Variants in NBAS observed in about 807,000 individuals in gnomAD.
The protein encoded by NBAS is NAG/BC035112 fusion.
NBAS carries 219 observed loss-of-function variants against 302.5 expected under a neutral mutation model. That is an observed-to-expected ratio of 0.72 (90% CI 0.65 to 0.81). NBAS has a LOEUF of 0.81. Among genes scored for constraint, NBAS ranks in the 30% least tolerant of loss-of-function variants. The pLI, the probability that NBAS is intolerant of heterozygous loss-of-function variation, is 0.00. For missense variants in NBAS, 2,932 were observed against 2,841.6 expected (o/e 1.03, Z -0.72); for synonymous variants, 1,118 against 1,021.6 (o/e 1.09, Z -1.80).
At chr2:15,237,578 A>AT (rs1272951926) in intron 45 of NBAS, among the ~76,000 whole-genome samples, 1 of 134,380 alleles carries the variant, frequency 7.4e-6, no homozygotes, top group East Asian at 2.0e-4. Context: ...TTATTTATTT[A>AT]TTTATTTATT....
the NBAS span, among the ~76,000 whole-genome samples, chr2:14,975,769 T>C: frequency 6.6e-6 from 1 of 151,998 alleles, no homozygotes; most frequent in South Asian, 2.1e-4. Flanking sequence ...AGAGAAACTG[T>C]CTTGATATCT....
chr2:15,005,258 G>A, the NBAS span, among the ~76,000 whole-genome samples: 1 of 152,110 alleles, frequency 6.6e-6, no homozygotes, highest in Non-Finnish European at 1.5e-5. Flanking sequence ...AACTGAAACT[G>A]TACACCTGTT....
Position 15,424,411 on chromosome 2 carries a change from A to C in NBAS, c.2481T>G (p.Pro827=). The change falls in exon 23 of 52, where the codon CCT becomes CCG. Residue 827 remains proline, a synonymous_variant. Transcript: ENST00000281513. ...GGGTCATCCTGAACCTTAGTAACTC[A>C]GGCTGTGCAGCATACAAGAATTCAC... The part of the protein sequence containing the change: ...DESEFLYAAQ[P]ELLRFRMTQL... 1 of 1,614,148 alleles carries C rather than the reference A, an allele frequency of 6.2e-7. No homozygotes were observed. The highest frequency in any genetic ancestry group is 8.5e-7 in the Non-Finnish European group (1 of 1,179,974).
At chr2:15,317,462 G>A (rs550886188) in intron 38 of NBAS, among the ~76,000 whole-genome samples, 1 of 152,254 alleles carries the variant, frequency 6.6e-6, no homozygotes, top group Non-Finnish European at 1.5e-5. Context: ...CGAGCTAAAG[G>A]AGCATGTTCT....
the NBAS span, among the ~76,000 whole-genome samples, chr2:15,006,304 G>A: frequency 4.6e-5 from 7 of 152,090 alleles, no homozygotes; most frequent in African/African-American, 9.7e-5. Flanking sequence ...GGAATTCTCC[G>A]GAAGCCAGAA....
At chr2:14,884,118 G>T in the NBAS span, among the ~76,000 whole-genome samples, 1 of 152,150 alleles carries the variant, frequency 6.6e-6, no homozygotes, top group Non-Finnish European at 1.5e-5. Flanking sequence ...CCCTTAGGAT[G>T]CATGCCCACA....
the NBAS span, among the ~76,000 whole-genome samples, chr2:14,922,935 G>A: frequency 2.0e-5 from 3 of 152,146 alleles, no homozygotes; most frequent in South Asian, 6.2e-4. Context: ...GGTGGATCAA[G>A]AGGTCAGGAG....
At chr2:15,480,341 T>TA (rs1435459350) in intron 12 of NBAS, among the ~76,000 whole-genome samples, 1 of 139,712 alleles carries the variant, frequency 7.2e-6, no homozygotes, top group Admixed American at 7.2e-5. Flanking sequence ...ACTCTATCTC[T>TA]AAAAAAATGA....
At chr2:15,243,629 A>T (rs1017258346) in intron 44 of NBAS, among the ~76,000 whole-genome samples, 2 of 152,216 alleles carry the variant, frequency 1.3e-5, no homozygotes, top group Non-Finnish European at 2.9e-5. Context: ...TGCTATAAAA[A>T]ATACTTAATA....
intron 25 of NBAS, among the ~76,000 whole-genome samples, chr2:15,404,823 A>G (rs1218074145): frequency 1.3e-5 from 2 of 151,784 alleles, no homozygotes; most frequent in African/African-American, 4.8e-5. Context: ...CTAAAGAACC[A>G]CTTTTACATT....
the NBAS span, among the ~76,000 whole-genome samples, chr2:14,797,509 A>C: frequency 6.6e-6 from 1 of 152,190 alleles, no homozygotes; most frequent in African/African-American, 2.4e-5. Context: ...TGCAGATGGC[A>C]GGAACAACAT....
chr2:15,171,145 A>T (rs1310441564), intron 51 of NBAS, among the ~76,000 whole-genome samples: 1 of 152,184 alleles, frequency 6.6e-6, no homozygotes, highest in African/African-American at 2.4e-5. Flanking sequence ...AGATAAAAAT[A>T]AAAAAGTGGA....
At chr2:15,262,135 TTC>T (rs1241594384) in intron 44 of NBAS, among the ~76,000 whole-genome samples, 2 of 152,260 alleles carry the variant, frequency 1.3e-5, no homozygotes, top group Admixed American at 1.3e-4. Flanking sequence ...GCTTAGAACT[TTC>T]TGTTTGGTCT....
At chr2:14,811,997 A>C in the NBAS span, among the ~76,000 whole-genome samples, 1 of 152,220 alleles carries the variant, frequency 6.6e-6, no homozygotes, top group African/African-American at 2.4e-5. Context: ...AATGAGATCA[A>C]TGTATTATTT....
intron 30 of NBAS, among the ~76,000 whole-genome samples, chr2:15,377,415 T>C (rs1045265298): frequency 6.6e-6 from 1 of 152,214 alleles, no homozygotes; most frequent in Non-Finnish European, 1.5e-5. Context: ...GCTTACCCTT[T>C]GATTCAGCAA....
intron 6 of NBAS, among the ~76,000 whole-genome samples, chr2:15,550,366 C>T (rs943225715): frequency 3.3e-5 from 5 of 152,088 alleles, no homozygotes; most frequent in South Asian, 2.1e-4. Context: ...TCATGTAAAG[C>T]CCTAAATACA....
At chr2:15,160,345 CGAT>C in the NBAS span, among the ~76,000 whole-genome samples, 1 of 151,954 alleles carries the variant, frequency 6.6e-6, no homozygotes, top group Non-Finnish European at 1.5e-5. Flanking sequence ...GGGTGGCAGG[CGAT>C]GAGAGAGAGA....
the NBAS span, among the ~76,000 whole-genome samples, chr2:14,952,958 A>G: frequency 5.6e-4 from 86 of 152,220 alleles, no homozygotes; most frequent in Non-Finnish European, 1.1e-3. Context: ...CTGCCCAGAC[A>G]TGATGTTTAA....
chr2:14,782,521 G>C, the NBAS span, among the ~76,000 whole-genome samples: 1 of 152,168 alleles, frequency 6.6e-6, no homozygotes, highest in Non-Finnish European at 1.5e-5. Flanking sequence ...GTGCAAATTA[G>C]TTCAACCATT....
Sources: allele counts gnomAD v4.1 joint callset (sites outside exome capture counted in the v4.1 genomes callset), GRCh38; gene constraint gnomAD v4.1.1; transcripts MANE v1.5; gene names NCBI Gene and HGNC (gene_info 2026-07-23, HGNC 2026-07-21).